GAL3ST2: variants seen among roughly 807,000 people sequenced by gnomAD.
GAL3ST2 encodes beta-galactose-3-O-sulfotransferase 2.
GAL3ST2 carries 16 observed loss-of-function variants against 12.9 expected under a neutral mutation model. The observed-to-expected ratio is 1.24, with a 90% CI of 0.84 to 1.88. The LOEUF (loss-of-function observed/expected upper bound fraction) is 1.88, where lower values mean the gene tolerates loss of function less well. Among genes scored for constraint, GAL3ST2 ranks in the 40% most tolerant of loss-of-function variants. The pLI is 0.00. For missense variants in GAL3ST2, 639 were observed against 571.8 expected, an observed-to-expected ratio of 1.12 and a Z score of -1.20; for synonymous variants, 302 against 273.9, an observed-to-expected ratio of 1.10 and a Z score of -1.01.
intron 1 of GAL3ST2, among the ~76,000 whole-genome samples, chr2:241,788,294 G>A (rs1405125977): frequency 2.0e-5 from 3 of 152,176 alleles, no homozygotes; most frequent in Non-Finnish European, 4.4e-5. Flanking sequence ...CTTGCACTGT[G>A]AGAGGATTTG....
chr2:241,783,439 T>C (rs1207150847), intron 1 of GAL3ST2, among the ~76,000 whole-genome samples: 1 of 151,806 alleles, frequency 6.6e-6, no homozygotes, highest in Non-Finnish European at 1.5e-5. Flanking sequence ...AAAAATCCTC[T>C]GTATTGTTAT....
chr2:241,792,855 G>A (rs1429901726), intron 1 of GAL3ST2, among the ~76,000 whole-genome samples: 2 of 152,196 alleles, frequency 1.3e-5, no homozygotes, highest in African/African-American at 4.8e-5. Context: ...TGTATTCAAA[G>A]TCTCCCCTCT....
chr2:241,803,755 C>G lies in GAL3ST2; in HGVS notation c.786C>G (p.Ala262=). 6.6e-7 allele frequency: 1 copy of G among 1,519,220 alleles called. No individual in the cohort carries two copies. The highest frequency in any genetic ancestry group is 8.8e-7 in the Non-Finnish European group (1 of 1,137,724). 94.1% of individuals were successfully genotyped at this position (1,519,220 alleles called of 1,614,324 possible). A position where few individuals can be genotyped will look rare whatever the true frequency, so the allele number is the denominator to read the frequency against. ...ACTCCCGCAGCGCGCGCTCCGTGGC[C>G]CGCCTGTCGCCCGAGACCCGGGAGC... ...RLNSRSARSV[A]RLSPETRERA... The change falls in exon 4 of 4, where the codon GCC becomes GCG. Residue 262 remains alanine, a synonymous_variant. Coordinates refer to ENST00000192314, the MANE Select transcript of GAL3ST2 (RefSeq NM_022134.3).
intron 1 of GAL3ST2, among the ~76,000 whole-genome samples, chr2:241,797,662 G>A (rs1489804132): frequency 1.3e-5 from 2 of 150,620 alleles, no homozygotes; most frequent in Non-Finnish European, 2.9e-5. Context: ...TGGCAGCGCA[G>A]GAATGGTCGT....
chr2:241,797,479 A>G (rs978703767), intron 1 of GAL3ST2, among the ~76,000 whole-genome samples: 4 of 152,244 alleles, frequency 2.6e-5, no homozygotes, highest in African/African-American at 9.6e-5. Context: ...TGTTTTATGC[A>G]AAAATCATCT....
intron 1 of GAL3ST2, among the ~76,000 whole-genome samples, chr2:241,794,272 A>G (rs956433280): frequency 6.6e-6 from 1 of 151,952 alleles, no homozygotes; most frequent in Non-Finnish European, 1.5e-5. Flanking sequence ...CCCTCATTTT[A>G]GATATTTTGT....
Position 241,793,531 on chromosome 2 carries a change from TTATA to T in GAL3ST2, c.30-5532_30-5529del, listed in dbSNP as rs753596173. The stretch of plus-strand genomic sequence containing the variant: ...GTGTATATGTATGTGTGTATTGTGT[TTATA>T]TGTATGTGTGTATATGTATGTATGT... On this transcript the variant is annotated intron_variant, in intron 1 of 3. Coordinates refer to ENST00000192314, the MANE Select transcript of GAL3ST2 (RefSeq NM_022134.3). The surrounding 1 kb of genome is among the most constrained non-coding windows in gnomAD (Gnocchi z 4.7). 7.3e-6 allele frequency among the ~76,000 whole-genome samples: 1 copy of T among 137,140 alleles called. No homozygotes were observed. Among genetic ancestry groups the T allele is most frequent in the Non-Finnish European group, 1.5e-5 (1 of 65,732 alleles). The allele number at this position is 137,140 out of a possible 152,430, so 90.0% of individuals were successfully genotyped here.
chr2:241,797,255 C>T (rs1172717286), intron 1 of GAL3ST2, among the ~76,000 whole-genome samples: 1 of 152,210 alleles, frequency 6.6e-6, no homozygotes, highest in Non-Finnish European at 1.5e-5. Flanking sequence ...CCTTTATCCT[C>T]TGACTTCAGT....
In GAL3ST2 at chr2:241,793,743, TG is replaced by T. The variant is rs1699735556; in HGVS notation, c.30-5321del. Among the ~76,000 whole-genome samples, 1 of 139,606 alleles carries T rather than the reference TG, an allele frequency of 7.2e-6. No individual in the cohort carries two copies. Among genetic ancestry groups the T allele is most frequent in the Non-Finnish European group, 1.7e-5 (1 of 59,614 alleles). The allele number at this position is 139,606 out of a possible 152,430, so 91.6% of individuals were successfully genotyped here. A position where few individuals can be genotyped will look rare whatever the true frequency, so the allele number is the denominator to read the frequency against. Reference sequence around the variant, plus strand: ...GCATGTGTGTATGTGTGTATATGTATGTGTGTGTGTATTGTGTATGTGTAGT... The same window carrying T: ...GCATGTGTGTATGTGTGTATATGTATTGTGTGTGTATTGTGTATGTGTAGT... On this transcript the variant is annotated intron_variant, in intron 1 of 3. Transcript: ENST00000192314. This position sits in a 1 kb window ranked among gnomAD's most constrained non-coding sequence, Gnocchi z 4.7.
chr2:241,788,264 T>TG (rs892009960), intron 1 of GAL3ST2, among the ~76,000 whole-genome samples: 10 of 152,164 alleles, frequency 6.6e-5, no homozygotes, highest in East Asian at 1.9e-4. Flanking sequence ...TCTTTGGCTT[T>TG]GGGGGGTACC....
Position 241,788,644 on chromosome 2 carries a change from C to T in GAL3ST2, c.30-10421C>T, listed in dbSNP as rs536488670. 4.6e-5 allele frequency among the ~76,000 whole-genome samples: 7 copies of T among 152,250 alleles called. No individual in the cohort carries two copies. In the East Asian group the frequency reaches 1.2e-3, roughly 25 times the overall value. On this transcript the variant is annotated intron_variant, in intron 1 of 3. Coordinates refer to ENST00000192314, the MANE Select transcript of GAL3ST2 (RefSeq NM_022134.3). ...GTGCCCCTGGGTGACCAGGGGGCCT[C>T]GTGGGAGTGTCTAGGGGGTTGACCC...
chr2:241,789,178 T>C (rs1255337034), intron 1 of GAL3ST2, among the ~76,000 whole-genome samples: 1 of 152,230 alleles, frequency 6.6e-6, no homozygotes, highest in Non-Finnish European at 1.5e-5. Context: ...GTTACCTTTC[T>C]AGTGAGATAA....
chr2:241,778,090 G>A (rs911914195), intron 1 of GAL3ST2, among the ~76,000 whole-genome samples: 13 of 152,238 alleles, frequency 8.5e-5, no homozygotes, highest in African/African-American at 3.1e-4. Flanking sequence ...TTGGCTCCGG[G>A]TGTCCCAGGC....
chr2:241,793,555 GTA>G lies in GAL3ST2; in HGVS notation c.30-5508_30-5507del, dbSNP rs1171602402. On this transcript the variant is annotated intron_variant, in intron 1 of 3. Transcript: ENST00000192314. The surrounding 1 kb of genome is among the most constrained non-coding windows in gnomAD (Gnocchi z 4.7). ...TTTATATGTATGTGTGTATATGTATGTATGTGTATATGTGTGCGTATATGTGT... is the reference window on the plus strand; with the variant it reads ...TTTATATGTATGTGTGTATATGTATGTGTGTATATGTGTGCGTATATGTGT... Among the ~76,000 whole-genome samples, 6 of 151,838 alleles carry G rather than the reference GTA, an allele frequency of 4.0e-5. No homozygotes were observed. The highest frequency in any genetic ancestry group is 5.9e-5 in the Non-Finnish European group (4 of 67,940).
chr2:241,786,769 G>A (rs1699633201), intron 1 of GAL3ST2, among the ~76,000 whole-genome samples: 2 of 152,134 alleles, frequency 1.3e-5, no homozygotes, highest in South Asian at 4.1e-4. Context: ...AGCTCCGATA[G>A]GAGGTTTGCC....
chr2:241,782,286 T>C (rs548500106), intron 1 of GAL3ST2, among the ~76,000 whole-genome samples: 2 of 152,274 alleles, frequency 1.3e-5, no homozygotes, highest in South Asian at 4.1e-4. Flanking sequence ...CCCTGGGCCT[T>C]GTGGAGTTAG....
intron 1 of GAL3ST2, among the ~76,000 whole-genome samples, chr2:241,781,118 T>G (rs547076780): frequency 6.6e-5 from 10 of 152,174 alleles, no homozygotes; most frequent in Non-Finnish European, 1.3e-4. Context: ...TCTGGATAAA[T>G]CAGGTAGAGA....
chr2:241,799,335 T>C (rs1699815646), intron 2 of GAL3ST2, among the ~76,000 whole-genome samples, 181 bp downstream of exon 2: 1 of 152,170 alleles, frequency 6.6e-6, no homozygotes, highest in Admixed American at 6.5e-5. Context: ...CAAACCCACC[T>C]GGGCCTTTGG....
rs770375719 is a variant in GAL3ST2 at position 241,799,078 on chromosome 2, A to ATCC, written c.57_59dup (p.Leu20dup). The ATCC allele has an allele frequency of 1.1e-5, 18 of 1,612,348 alleles. No homozygotes were observed. The highest frequency in any genetic ancestry group is 1.4e-5 in the Non-Finnish European group (17 of 1,179,074). The stretch of plus-strand genomic sequence containing the variant: ...CCCTTTCCACAGATACTTCCGGGTC[A>ATCC]TCCTCCTCCTCCTCCTGGCCCTGAC... On this transcript the variant is annotated inframe_insertion, in exon 2 of 4. Coordinates refer to ENST00000192314, the MANE Select transcript of GAL3ST2 (RefSeq NM_022134.3).
Sources: allele counts gnomAD v4.1 joint callset (sites outside exome capture counted in the v4.1 genomes callset), GRCh38; gene constraint gnomAD v4.1.1; non-coding constraint Gnocchi (gnomAD v3.1); transcripts MANE v1.5; gene names NCBI Gene and HGNC (gene_info 2026-07-23, HGNC 2026-07-21).